Variants in MYO16 observed in about 807,000 individuals in gnomAD.
MYO16 encodes myosin XVI.
MYO16 carries 94 observed loss-of-function variants against 205.3 expected under a neutral mutation model. That is an observed-to-expected ratio of 0.46 (90% CI 0.39 to 0.54). MYO16 has a LOEUF of 0.54. Among genes scored for constraint, MYO16 ranks in the 20% least tolerant of loss-of-function variants. MYO16 has a pLI of 0.00. For missense variants in MYO16, 2,315 were observed against 2,387.5 expected, an observed-to-expected ratio of 0.97 and a Z score of 0.63; for synonymous variants, 988 against 954.0, an observed-to-expected ratio of 1.04 and a Z score of -0.66.
intron 34 of MYO16, among the ~76,000 whole-genome samples, chr13:109,191,540 C>G (rs1879916329): frequency 1.3e-5 from 2 of 152,160 alleles, no homozygotes; most frequent in African/African-American, 4.8e-5. Context: ...TCAAAAAAAG[C>G]CTCCTGAGCA....
rs777351231 is a variant in MYO16 at position 108,665,895 on chromosome 13, A to G, written c.38A>G (p.Gln13Arg). Residue 13 changes from glutamine to arginine, a missense_variant, in exon 2 of 35, where the codon CAG becomes CGG. By Grantham distance (43) the Gln-to-Arg change is conservative (BLOSUM62 1). Coordinates refer to ENST00000457511, the MANE Select transcript of MYO16 (RefSeq NM_001198950.3). ...HYHFIKCCCF[Q>R]LCNVFRSHEM... is the part of the protein sequence containing the mutation. ...CTTGCATTTCTTCCAGGTTGCTTTCAGCTATGTAACGTTTTTCGATCCCAT... is the reference window on the plus strand; with the variant it reads ...CTTGCATTTCTTCCAGGTTGCTTTCGGCTATGTAACGTTTTTCGATCCCAT... 1 of 1,613,502 alleles carries G rather than the reference A, an allele frequency of 6.2e-7. No homozygotes were observed. Among genetic ancestry groups the G allele is most frequent in the South Asian group, 1.1e-5 (1 of 91,020 alleles).
chr13:108,927,081 G>A (rs1327555543), intron 16 of MYO16, among the ~76,000 whole-genome samples: 1 of 151,786 alleles, frequency 6.6e-6, no homozygotes, highest in Non-Finnish European at 1.5e-5. Flanking sequence ...CATGACTCCC[G>A]AGTGAACAGA....
chr13:108,736,687 T>C (rs1326718299), intron 4 of MYO16, among the ~76,000 whole-genome samples: 1 of 152,188 alleles, frequency 6.6e-6, no homozygotes, highest in Admixed American at 6.5e-5. Flanking sequence ...AAGAGAGTCA[T>C]TGGTAGCTTG....
chr13:108,905,209 T>C (rs1029034304), intron 15 of MYO16, among the ~76,000 whole-genome samples: 5 of 152,090 alleles, frequency 3.3e-5, no homozygotes, highest in African/African-American at 1.2e-4. Flanking sequence ...GGTGAATAGG[T>C]GAATGTCACT....
chr13:109,183,636 T>C (rs1277701384), intron 34 of MYO16, among the ~76,000 whole-genome samples: 1 of 152,260 alleles, frequency 6.6e-6, no homozygotes, highest in Non-Finnish European at 1.5e-5. Context: ...TCATGTGCTT[T>C]ATGTTCTTTT....
At chr13:108,569,718 G>T in the MYO16 span, among the ~76,000 whole-genome samples, 4 of 152,048 alleles carry the variant, frequency 2.6e-5, no homozygotes, top group South Asian at 6.2e-4. Context: ...TCCTTATCTT[G>T]TTCTGATTTT....
intron 29 of MYO16, among the ~76,000 whole-genome samples, chr13:109,120,998 G>C (rs157017): frequency 6.6e-6 from 1 of 152,100 alleles, no homozygotes; most frequent in Non-Finnish European, 1.5e-5. Flanking sequence ...GCAGTGAGCC[G>C]TGTTTCTACC....
intron 1 of MYO16, among the ~76,000 whole-genome samples, chr13:108,604,089 CT>C (rs1179110725): frequency 6.6e-6 from 1 of 152,056 alleles, no homozygotes; most frequent in Non-Finnish European, 1.5e-5. Flanking sequence ...GGAAAAGCCC[CT>C]TCTAAAACCA....
chr13:108,871,248 A>G (rs1015318283), intron 12 of MYO16, among the ~76,000 whole-genome samples: 3 of 145,456 alleles, frequency 2.1e-5, no homozygotes, highest in African/African-American at 2.6e-5. Context: ...CATGCCACTT[A>G]TTTTCTTGAA....
chr13:109,053,791 GA>G, intron 25 of MYO16, among the ~76,000 whole-genome samples: 1 of 152,140 alleles, frequency 6.6e-6, no homozygotes, highest in Middle Eastern at 3.4e-3. Flanking sequence ...CTGTGGCCAG[GA>G]AAATAGGATT....
chr13:108,984,989 T>G (rs570296240), intron 20 of MYO16, among the ~76,000 whole-genome samples: 1 of 152,312 alleles, frequency 6.6e-6, no homozygotes, highest in South Asian at 2.1e-4. Flanking sequence ...ATACTGACAT[T>G]AATATTTCCT....
chr13:109,040,385 C>CACACAG lies in MYO16; in HGVS notation c.2797-6530_2797-6529insCACAGA, dbSNP rs1394314811. Among the ~76,000 whole-genome samples, 288 of 113,294 alleles carry CACACAG rather than the reference C, an allele frequency of 2.5e-3. 2 individuals are homozygous for CACACAG. The highest frequency in any genetic ancestry group is 7.3e-3 in the African/African-American group (228 of 31,280). The allele number at this position is 113,294 out of a possible 152,430, so 74.3% of individuals were successfully genotyped here. A position where few individuals can be genotyped will look rare whatever the true frequency, so the allele number is the denominator to read the frequency against. On this transcript the variant is annotated intron_variant, in intron 23 of 34. Transcript: ENST00000457511. ...ATACACACACACACACACACACACA[C>CACACAG]AGAGAGAGAGAGAGAGAGAGAGAGA...
intron 27 of MYO16, among the ~76,000 whole-genome samples, chr13:109,059,691 T>G (rs2139621971): frequency 6.6e-6 from 1 of 152,320 alleles, no homozygotes; most frequent in South Asian, 2.1e-4. Flanking sequence ...TGCAAAAATT[T>G]TGCCCCACTC....
At chr13:108,891,541 A>T (rs573606883) in intron 14 of MYO16, among the ~76,000 whole-genome samples, 11 of 152,200 alleles carry the variant, frequency 7.2e-5, no homozygotes, top group Non-Finnish European at 1.5e-4. Context: ...GTGCTATATC[A>T]TTGCCTTGAC....
chr13:108,670,831 A>G lies in MYO16; in HGVS notation c.292+4682A>G, dbSNP rs571746112. ...TATTTCACATGTATATATGGATGCC[A>G]TTTTGGTGGAATATAATATAATCTT... is the stretch of plus-strand genomic sequence containing the variant. On this transcript the variant is annotated intron_variant, in intron 2 of 34. Transcript: ENST00000457511. Among the ~76,000 whole-genome samples the G allele has an allele frequency of 1.8e-4, 27 of 152,276 alleles. No homozygotes were observed. In the East Asian group the frequency reaches 4.8e-3, roughly 27 times the overall value.
At position 108,789,692 on chromosome 13, in the gene MYO16, C is replaced by CAGA. The variant is rs1886559700; in HGVS notation, c.617-3824_617-3823insAGA. On this transcript the variant is annotated intron_variant, in intron 5 of 34. Coordinates refer to ENST00000457511, the MANE Select transcript of MYO16 (RefSeq NM_001198950.3). ...GCTCAGCTCTTTTACTTCTGTGCAT[C>CAGA]TCTTAGAACACTTATTATGAAGATA... 2.6e-5 allele frequency among the ~76,000 whole-genome samples: 4 copies of CAGA among 152,226 alleles called. No homozygotes were observed. The South Asian group carries it at 8.3e-4, about 32-fold the overall frequency.
At chr13:108,945,641 GATT>G (rs1882910651) in intron 16 of MYO16, among the ~76,000 whole-genome samples, 2 of 152,012 alleles carry the variant, frequency 1.3e-5, no homozygotes, top group South Asian at 4.2e-4. Flanking sequence ...AGAAAATTTA[GATT>G]ATTTAGTTTT....
chr13:108,587,225 C>T, the MYO16 span, among the ~76,000 whole-genome samples: 1 of 152,170 alleles, frequency 6.6e-6, no homozygotes, highest in African/African-American at 2.4e-5. Flanking sequence ...GCAATTATGA[C>T]CATGACTGTG....
chr13:108,626,782 G>A (rs933217804), upstream of MYO16, among the ~76,000 whole-genome samples: 7 of 151,336 alleles, frequency 4.6e-5, no homozygotes, highest in Admixed American at 4.0e-4. Flanking sequence ...TGCAGCCTGG[G>A]TGACAGAGAG....
Sources: gnomAD v4.1 joint callset for allele counts (sites outside exome capture counted in the v4.1 genomes callset) on GRCh38, gnomAD v4.1.1 for gene constraint, MANE v1.5 for transcripts, NCBI Gene and HGNC (gene_info 2026-07-23, HGNC 2026-07-21) for gene names.